Variants in NXPH1 observed in about 807,000 individuals in gnomAD.
The protein encoded by NXPH1 is neurexophilin 1.
A neutral mutation model predicts 23.7 loss-of-function variants in NXPH1; 5 were observed. The observed-to-expected ratio is 0.21, with a 90% confidence interval of 0.11 to 0.44. The LOEUF (loss-of-function observed/expected upper bound fraction) is 0.44, where lower values mean the gene tolerates loss of function less well. Ranked by LOEUF, NXPH1 falls within the 20% of genes least tolerant of loss-of-function variation. The pLI, the probability that NXPH1 is intolerant of heterozygous loss-of-function variation, is 0.99. For missense variants in NXPH1, 324 were observed against 321.6 expected, an observed-to-expected ratio of 1.01 and a Z score of -0.06; for synonymous variants, 144 against 122.2, an observed-to-expected ratio of 1.18 and a Z score of -1.18.
intron 2 of NXPH1, among the ~76,000 whole-genome samples, chr7:8,608,378 A>C (rs913937892): frequency 2.0e-5 from 3 of 149,680 alleles, no homozygotes; most frequent in African/African-American, 7.4e-5. Flanking sequence ...TCCAGGCTGC[A>C]GTGCAGTGGA....
intron 2 of NXPH1, among the ~76,000 whole-genome samples, chr7:8,718,455 G>C (rs1201234852): frequency 2.6e-5 from 4 of 152,146 alleles, no homozygotes; most frequent in Non-Finnish European, 5.9e-5. Flanking sequence ...AACTCTGTTA[G>C]ACATTTTAAC....
intron 2 of NXPH1, among the ~76,000 whole-genome samples, chr7:8,715,123 G>C (rs1398548457): frequency 6.6e-6 from 1 of 152,180 alleles, no homozygotes; most frequent in Non-Finnish European, 1.5e-5. Flanking sequence ...AGTTCTGATT[G>C]CTGCAATAGG....
chr7:8,605,137 G>A (rs970548764), intron 2 of NXPH1, among the ~76,000 whole-genome samples: 16 of 152,102 alleles, frequency 1.1e-4, no homozygotes, highest in African/African-American at 3.4e-4. Context: ...ATTCCTAATA[G>A]GACTGTTTAA....
chr7:8,501,171 T>A (rs1817425261), intron 2 of NXPH1, among the ~76,000 whole-genome samples: 2 of 152,100 alleles, frequency 1.3e-5, no homozygotes, highest in Non-Finnish European at 2.9e-5. Flanking sequence ...TCTTTTGAGC[T>A]CTAGGGATCT....
intron 2 of NXPH1, among the ~76,000 whole-genome samples, chr7:8,459,641 A>G (rs1201159380): frequency 6.6e-6 from 1 of 152,142 alleles, no homozygotes; most frequent in Non-Finnish European, 1.5e-5. Flanking sequence ...CAGTCTACTA[A>G]ACTTTTCCAC....
At chr7:8,615,873 G>A (rs76524454) in intron 2 of NXPH1, among the ~76,000 whole-genome samples, 3,478 of 152,108 alleles carry the variant, frequency 0.023, 213 homozygotes, top group East Asian at 0.17. Context: ...ATAGGAGATT[G>A]GAAAGACTTC....
At chr7:8,538,585 T>C (rs754299003) in intron 2 of NXPH1, among the ~76,000 whole-genome samples, 4 of 151,928 alleles carry the variant, frequency 2.6e-5, no homozygotes, top group Admixed American at 1.3e-4. Context: ...GAACAGGTCA[T>C]GGCATGAATA....
intron 2 of NXPH1, among the ~76,000 whole-genome samples, chr7:8,467,511 T>C (rs997931945): frequency 9.8e-5 from 15 of 152,312 alleles, no homozygotes; most frequent in African/African-American, 3.4e-4. Flanking sequence ...TCTTACATCT[T>C]ACACTCTTTA....
At chr7:8,563,264 CATT>C (rs897956669) in intron 2 of NXPH1, among the ~76,000 whole-genome samples, 12 of 151,696 alleles carry the variant, frequency 7.9e-5, no homozygotes, top group Non-Finnish European at 1.5e-4. Context: ...AGAAGAAAAA[CATT>C]GTTGTGTATT....
chr7:8,508,210 A>G (rs183268272), intron 2 of NXPH1, among the ~76,000 whole-genome samples: 14 of 152,238 alleles, frequency 9.2e-5, no homozygotes, highest in African/African-American at 3.4e-4. Context: ...CAAAATCATA[A>G]TTAGATGAAT....
chr7:8,692,063 T>C (rs927940167), intron 2 of NXPH1, among the ~76,000 whole-genome samples: 1 of 151,966 alleles, frequency 6.6e-6, no homozygotes, highest in Non-Finnish European at 1.5e-5. Flanking sequence ...TGGCAGGTTC[T>C]AGGCACCAGA....
chr7:8,455,377 G>A (rs1326813360), intron 2 of NXPH1, among the ~76,000 whole-genome samples: 2 of 152,126 alleles, frequency 1.3e-5, no homozygotes, highest in Admixed American at 1.3e-4. Flanking sequence ...GCAGTGTATT[G>A]TGTCTTGGTG....
At chr7:8,504,880 T>G (rs1817496031) in intron 2 of NXPH1, among the ~76,000 whole-genome samples, 1 of 152,034 alleles carries the variant, frequency 6.6e-6, no homozygotes, top group Non-Finnish European at 1.5e-5. Context: ...GATCTGCTGG[T>G]TCATTGAACT....
chr7:8,670,582 A>T lies in NXPH1; in HGVS notation c.55-80426A>T, dbSNP rs923869664. Among the ~76,000 whole-genome samples, 17 of 152,276 alleles carry T rather than the reference A, an allele frequency of 1.1e-4. 1 individual carries two copies. The highest frequency in any genetic ancestry group is 3.9e-4 in the African/African-American group (16 of 41,548). On this transcript the variant is annotated intron_variant, in intron 2 of 2. Coordinates refer to ENST00000405863, the MANE Select transcript of NXPH1 (RefSeq NM_152745.3). ...CTCCCTTCCTTTCCATTTAATCTCA[A>T]TGAAATTCATCCTCTACTGTTTTAA...
In NXPH1 at chr7:8,662,868, C is replaced by G. The variant is rs375776995; in HGVS notation, c.55-88140C>G. On this transcript the variant is annotated intron_variant, in intron 2 of 2. Transcript: ENST00000405863. ...TTAAAATACGTGTCATTATTCAATG[C>G]TTGGAAGATGCAACAATAAAAGGTT... Among the ~76,000 whole-genome samples the G allele has an allele frequency of 1.7e-4, 26 of 152,092 alleles. No individual in the cohort carries two copies. In the East Asian group the frequency reaches 3.1e-3, roughly 18 times the overall value.
chr7:8,593,524 G>A (rs1280724580), intron 2 of NXPH1, among the ~76,000 whole-genome samples: 1 of 151,942 alleles, frequency 6.6e-6, no homozygotes, highest in African/African-American at 2.4e-5. Flanking sequence ...CCTGAACCAT[G>A]GGGAATTCTT....
At chr7:8,710,389 C>T (rs1779768225) in intron 2 of NXPH1, among the ~76,000 whole-genome samples, 1 of 152,162 alleles carries the variant, frequency 6.6e-6, no homozygotes, top group Admixed American at 6.5e-5. Flanking sequence ...TTAATCAATT[C>T]TTCCATGAGG....
At chr7:8,738,526 C>T (rs1342861897) in intron 2 of NXPH1, among the ~76,000 whole-genome samples, 1 of 152,136 alleles carries the variant, frequency 6.6e-6, no homozygotes, top group Admixed American at 6.5e-5. Context: ...TGCCAGATAC[C>T]AGCTGGAGCT....
chr7:8,441,975 C>T (rs975527180), intron 2 of NXPH1, among the ~76,000 whole-genome samples: 22 of 152,162 alleles, frequency 1.4e-4, no homozygotes, highest in Admixed American at 1.1e-3. Flanking sequence ...CCGGTGCCCT[C>T]TGTTGCCGAA....
Sources: allele counts gnomAD v4.1 joint callset (sites outside exome capture counted in the v4.1 genomes callset), GRCh38; gene constraint gnomAD v4.1.1; transcripts MANE v1.5; gene names NCBI Gene and HGNC (gene_info 2026-07-23, HGNC 2026-07-21).